The following SYNGR1 variants were observed in gnomAD, a reference collection of about 807,000 sequenced individuals.
SYNGR1 encodes the protein synaptogyrin 1, also known as synaptogyrin-1.
In SYNGR1, 14 loss-of-function variants were observed where a neutral mutation model predicts 26.1. That is an observed-to-expected ratio of 0.54 (90% CI 0.35 to 0.84). The LOEUF (loss-of-function observed/expected upper bound fraction) is 0.84. Among genes scored for constraint, SYNGR1 ranks in the 40% least tolerant of loss-of-function variants. The pLI, the probability that SYNGR1 is intolerant of heterozygous loss-of-function variation, is 0.01. For synonymous variants in SYNGR1, 141 were observed against 150.1 expected (o/e 0.94, Z 0.44); for missense variants, 319 against 332.9 (o/e 0.96, Z 0.33).
chr22:39,374,643 T>C (rs747678240), intron 2 of SYNGR1, 90 bp downstream of exon 2: 7 of 1,380,524 alleles, frequency 5.1e-6, no homozygotes, highest in African/African-American at 2.8e-5. Context: ...CTTCCCATGT[T>C]TCAGATGAGG....
intron 1 of SYNGR1, among the ~76,000 whole-genome samples, chr22:39,357,848 C>T (rs1049617922): frequency 3.9e-5 from 6 of 152,254 alleles, no homozygotes; most frequent in Admixed American, 6.5e-5. Flanking sequence ...GGGCAGGGCT[C>T]GGGACCTGCA....
At chr22:39,363,742 G>A (rs969832882) in intron 1 of SYNGR1, among the ~76,000 whole-genome samples, 7 of 152,148 alleles carry the variant, frequency 4.6e-5, no homozygotes, top group Admixed American at 1.3e-4. Flanking sequence ...CTGTGGTGGT[G>A]TCAGGCACCT....
intron 1 of SYNGR1, among the ~76,000 whole-genome samples, chr22:39,366,031 TCTGTCCC>T (rs1369742338): frequency 8.4e-6 from 1 of 118,692 alleles, no homozygotes; most frequent in Non-Finnish European, 1.7e-5. Context: ...AGGGTCTCCC[TCTGTCCC>T]CCAGGCTGGA....
chr22:39,359,963 T>G (rs553418218), intron 1 of SYNGR1, among the ~76,000 whole-genome samples: 2 of 152,224 alleles, frequency 1.3e-5, no homozygotes, highest in East Asian at 3.9e-4. Flanking sequence ...ACCACTGATC[T>G]TCCCCTGTGC....
At chr22:39,356,913 T>C (rs528814520) in intron 1 of SYNGR1, among the ~76,000 whole-genome samples, 2 of 152,280 alleles carry the variant, frequency 1.3e-5, no homozygotes, top group South Asian at 4.1e-4. Context: ...ACCCCACTCT[T>C]GCTCCTAGTG....
At chr22:39,352,157 G>A (rs1923932867) in intron 1 of SYNGR1, among the ~76,000 whole-genome samples, 1 of 152,148 alleles carries the variant, frequency 6.6e-6, no homozygotes, top group South Asian at 2.1e-4. Flanking sequence ...CTGGGGCAGG[G>A]AAGAATCCAG....
At chr22:39,362,559 G>T (rs1050612484) in intron 1 of SYNGR1, among the ~76,000 whole-genome samples, 1 of 152,300 alleles carries the variant, frequency 6.6e-6, no homozygotes, top group South Asian at 2.1e-4. Context: ...GACCCTGGGG[G>T]AAGACAAGGC....
intron 1 of SYNGR1, among the ~76,000 whole-genome samples, chr22:39,369,826 G>C (rs1350464756): frequency 6.6e-6 from 1 of 152,188 alleles, no homozygotes. Context: ...TCCCAAATCA[G>C]GACTGGCAAA....
intron 3 of SYNGR1, among the ~76,000 whole-genome samples, chr22:39,378,899 A>G (rs1472276883): frequency 6.6e-6 from 1 of 152,248 alleles, no homozygotes; most frequent in Non-Finnish European, 1.5e-5. Flanking sequence ...GTGAGGGCAG[A>G]GAGCTGAACA....
Position 39,381,997 on chromosome 22 carries a change from G to C in SYNGR1, c.*83G>C. 6.9e-7 allele frequency: 1 copy of C among 1,446,720 alleles called. No individual in the cohort carries two copies. The highest frequency in any genetic ancestry group is 9.4e-7 in the Non-Finnish European group (1 of 1,064,062). The allele number at this position is 1,446,720 out of a possible 1,614,324, so 89.6% of individuals were successfully genotyped here. A position where few individuals can be genotyped will look rare whatever the true frequency, so the allele number is the denominator to read the frequency against. ...CCCCTGCTCCTGCCCAGGCTGCCCTGCCCAGCGCCTCATCAGCCTCTGCCT... is the reference window on the plus strand; with the variant it reads ...CCCCTGCTCCTGCCCAGGCTGCCCTCCCCAGCGCCTCATCAGCCTCTGCCT... On this transcript the variant is annotated 3_prime_UTR_variant, in exon 4 of 4. Coordinates refer to ENST00000328933, the MANE Select transcript of SYNGR1 (RefSeq NM_004711.5).
At chr22:39,369,183 T>TTG (rs1924906452) in intron 1 of SYNGR1, among the ~76,000 whole-genome samples, 1 of 152,322 alleles carries the variant, frequency 6.6e-6, no homozygotes, top group South Asian at 2.1e-4. Flanking sequence ...GTTCCCAACC[T>TTG]GACAGTTTTC....
At position 39,384,975 on chromosome 22, in the gene SYNGR1, C is replaced by T. The variant is rs1008544721; in HGVS notation, c.*3061C>T. ...ACGGCTCCTATCCACCTGGGGGTGT[C>T]GCAGTTGAGGGGCTAATTCCCAGGG... On this transcript the variant is annotated 3_prime_UTR_variant, in exon 4 of 4. Coordinates refer to ENST00000328933, the MANE Select transcript of SYNGR1 (RefSeq NM_004711.5). 1.5e-5 allele frequency: 6 copies of T among 398,746 alleles called. No homozygotes were observed. Among genetic ancestry groups the T allele is most frequent in the East Asian group, 3.5e-5 (1 of 28,220 alleles). 24.7% of individuals were successfully genotyped at this position (398,746 alleles called of 1,614,324 possible). A position where few individuals can be genotyped will look rare whatever the true frequency, so the allele number is the denominator to read the frequency against.
At chr22:39,368,427 C>T (rs1210716716) in intron 1 of SYNGR1, among the ~76,000 whole-genome samples, 7 of 152,222 alleles carry the variant, frequency 4.6e-5, no homozygotes, top group Non-Finnish European at 8.8e-5. Flanking sequence ...ACTGAATTAC[C>T]GCCTGGTGCC....
In SYNGR1 at chr22:39,356,544, G is replaced by A. The variant is rs151139255; in HGVS notation, c.99+6435G>A. 6.3e-3 allele frequency among the ~76,000 whole-genome samples: 954 copies of A among 152,254 alleles called. 16 individuals are homozygous for A. The highest frequency in any genetic ancestry group is 0.022 in the African/African-American group (901 of 41,544). ...AGCAGCGTGTGCAAAGCTGTTGGGC[G>A]GGCCTGAGCCCCAGGGAGAAAAAAC... On this transcript the variant is annotated intron_variant, in intron 1 of 3. Coordinates refer to ENST00000328933, the MANE Select transcript of SYNGR1 (RefSeq NM_004711.5).
intron 3 of SYNGR1, chr22:39,377,826 G>C: frequency 3.3e-6 from 5 of 1,525,558 alleles, no homozygotes; most frequent in Non-Finnish European, 4.4e-6. Context: ...AACCAATTCA[G>C]GTTCTCCACT....
In SYNGR1 at chr22:39,358,551, G is replaced by A. The variant is rs527921793; in HGVS notation, c.99+8442G>A. ...AGCGAGACCACGAGCCCACCGGGAG[G>A]AACGAACAACTCCAGACGCGCGGCA... On this transcript the variant is annotated intron_variant, in intron 1 of 3. Coordinates refer to ENST00000328933, the MANE Select transcript of SYNGR1 (RefSeq NM_004711.5). 3.2e-3 allele frequency among the ~76,000 whole-genome samples: 492 copies of A among 152,150 alleles called. 3 individuals are homozygous for A. Among genetic ancestry groups the A allele is most frequent in the Non-Finnish European group, 5.3e-3 (361 of 67,994 alleles).
chr22:39,353,913 G>T (rs993284657), intron 1 of SYNGR1, among the ~76,000 whole-genome samples: 7 of 152,182 alleles, frequency 4.6e-5, no homozygotes, highest in Non-Finnish European at 1.0e-4. Flanking sequence ...CTCCAGGCTA[G>T]AGTGCAGTGG....
intron 1 of SYNGR1, among the ~76,000 whole-genome samples, chr22:39,352,151 G>A (rs1923932741): frequency 6.6e-6 from 1 of 152,162 alleles, no homozygotes; most frequent in South Asian, 2.1e-4. Flanking sequence ...CTCCCCCTGG[G>A]GCAGGGAAGA....
At chr22:39,371,411 G>A (rs1441547879) in intron 1 of SYNGR1, among the ~76,000 whole-genome samples, 1 of 150,792 alleles carries the variant, frequency 6.6e-6, no homozygotes, top group East Asian at 2.0e-4. Flanking sequence ...AGGAGGCAGA[G>A]GTTGTGGTGG....
Sources: gnomAD v4.1 joint callset for allele counts (sites outside exome capture counted in the v4.1 genomes callset) on GRCh38, gnomAD v4.1.1 for gene constraint, MANE v1.5 for transcripts, NCBI Gene and HGNC (gene_info 2026-07-23, HGNC 2026-07-21) for gene names.